KIRREL3: variants seen among roughly 807,000 people sequenced by gnomAD.
KIRREL3 encodes the protein kin of IRRE-like protein 3.
KIRREL3 carries 36 observed loss-of-function variants against 89.7 expected under a neutral mutation model. The ratio of observed to expected loss-of-function variants is 0.40; its 90% CI spans 0.31 to 0.53. The LOEUF is 0.53. KIRREL3 is among the 20% of genes least tolerant of loss of function. KIRREL3 has a pLI of 0.49. For missense variants in KIRREL3, 864 were observed against 1,056.6 expected (o/e 0.82, Z 2.53); for synonymous variants, 445 against 441.4 (o/e 1.01, Z -0.10).
In KIRREL3 at chr11:126,904,926, A is replaced by G. The variant is rs1475318602; in HGVS notation, c.55+95529T>C. Among the ~76,000 whole-genome samples, 1 of 147,094 alleles carries G rather than the reference A, an allele frequency of 6.8e-6. No individual in the cohort carries two copies. Among genetic ancestry groups the G allele is most frequent in the Non-Finnish European group, 1.5e-5 (1 of 66,408 alleles). On this transcript the variant is annotated intron_variant, in intron 1 of 16. Transcript: ENST00000525144. The surrounding 1 kb of genome is among the most constrained non-coding windows in gnomAD (Gnocchi z 4.4). Reference sequence around the variant, plus strand: ...CTAAGTATATAATAAATAACTGACTATCCATGATGGGGATGATGATGATGA... The same window carrying G: ...CTAAGTATATAATAAATAACTGACTGTCCATGATGGGGATGATGATGATGA...
rs1194792456 is a variant in KIRREL3 at position 126,537,503 on chromosome 11, G to GA, written c.134-10817dup. Among the ~76,000 whole-genome samples, 2 of 151,994 alleles carry GA rather than the reference G, an allele frequency of 1.3e-5. No individual in the cohort carries two copies. The highest frequency in any genetic ancestry group is 2.9e-5 in the Non-Finnish European group (2 of 67,946). On this transcript the variant is annotated intron_variant, in intron 2 of 16. Transcript: ENST00000525144. This position sits in a 1 kb window ranked among gnomAD's most constrained non-coding sequence, Gnocchi z 4.3. ...GAGGAGAAATGTCATTCTGGGGTAG[G>GA]AAAAAAAATATAAGCAAAAACATGA...
At chr11:126,667,197 C>T (rs1945703214) in intron 1 of KIRREL3, among the ~76,000 whole-genome samples, 1 of 152,198 alleles carries the variant, frequency 6.6e-6, no homozygotes, top group Non-Finnish European at 1.5e-5. Flanking sequence ...AGAGAATGTG[C>T]CACTAATGAA....
In KIRREL3 at chr11:126,526,503, C is replaced by T; in HGVS notation, c.283+35G>A. ...GATGGGTGAGTAAGGAAGTGATGGC[C>T]CCAGGCCCACCCCAGGAGGTCTGGA... On this transcript the variant is annotated intron_variant, in intron 3 of 16. Coordinates refer to ENST00000525144, the MANE Select transcript of KIRREL3 (RefSeq NM_032531.4). This position sits in a 1 kb window ranked among gnomAD's most constrained non-coding sequence, Gnocchi z 5.7. 2 of 1,593,114 alleles carry T rather than the reference C, an allele frequency of 1.3e-6. No homozygotes were observed. The highest frequency in any genetic ancestry group is 1.7e-6 in the Non-Finnish European group (2 of 1,165,048).
chr11:126,621,930 T>A (rs562761983), intron 1 of KIRREL3, among the ~76,000 whole-genome samples: 1 of 152,148 alleles, frequency 6.6e-6, no homozygotes, highest in Non-Finnish European at 1.5e-5. Context: ...CTAACATGGA[T>A]AAAAAAATGC....
intron 1 of KIRREL3, among the ~76,000 whole-genome samples, chr11:126,712,445 T>TG (rs1328981530): frequency 2.0e-5 from 3 of 152,224 alleles, no homozygotes; most frequent in Non-Finnish European, 2.9e-5. Context: ...CTCTTCAATC[T>TG]GGGGCACCCC....
intron 1 of KIRREL3, among the ~76,000 whole-genome samples, chr11:126,775,943 C>A (rs1950157269): frequency 6.6e-6 from 1 of 152,158 alleles, no homozygotes; most frequent in African/African-American, 2.4e-5. Context: ...ACCCCTATGG[C>A]TTGGGGGAGG....
intron 4 of KIRREL3, among the ~76,000 whole-genome samples, chr11:126,500,063 G>A (rs1005141018): frequency 6.6e-6 from 1 of 152,142 alleles, no homozygotes; most frequent in Non-Finnish European, 1.5e-5. Flanking sequence ...CCCACTGACT[G>A]CACTATGATT....
At chr11:126,957,780 C>T (rs998025647) in intron 1 of KIRREL3, among the ~76,000 whole-genome samples, 11 of 152,166 alleles carry the variant, frequency 7.2e-5, no homozygotes, top group Admixed American at 2.6e-4. Flanking sequence ...TAGGCATAGG[C>T]GGAGAACCAG....
At chr11:126,934,569 A>C (rs1386352040) in intron 1 of KIRREL3, among the ~76,000 whole-genome samples, 1 of 152,198 alleles carries the variant, frequency 6.6e-6, no homozygotes, top group Non-Finnish European at 1.5e-5. Context: ...CTTGCTGTAG[A>C]ACGTATAGGA....
chr11:126,584,593 T>G (rs1024469184), intron 1 of KIRREL3, among the ~76,000 whole-genome samples: 1 of 152,242 alleles, frequency 6.6e-6, no homozygotes, highest in Non-Finnish European at 1.5e-5. Flanking sequence ...CAATGTCCCA[T>G]GTGGGCTTAA....
intron 1 of KIRREL3, among the ~76,000 whole-genome samples, chr11:126,775,672 T>C (rs1484831595): frequency 2.6e-5 from 4 of 152,174 alleles, no homozygotes; most frequent in African/African-American, 7.2e-5. Context: ...AAGAAAAGAA[T>C]GCCTTTGATG....
At chr11:126,633,992 G>A (rs997856010) in intron 1 of KIRREL3, among the ~76,000 whole-genome samples, 3 of 152,186 alleles carry the variant, frequency 2.0e-5, no homozygotes, top group Non-Finnish European at 2.9e-5. Flanking sequence ...AAAGTACAGC[G>A]TAGTCCACAT....
intron 1 of KIRREL3, among the ~76,000 whole-genome samples, chr11:126,757,340 C>T (rs1415066331): frequency 6.6e-6 from 1 of 151,794 alleles, no homozygotes; most frequent in Non-Finnish European, 1.5e-5. Flanking sequence ...AAAAGCCAGC[C>T]CCAACAATTC....
At chr11:126,529,580 G>A (rs1371471161) in intron 2 of KIRREL3, among the ~76,000 whole-genome samples, 1 of 149,418 alleles carries the variant, frequency 6.7e-6, no homozygotes, top group Non-Finnish European at 1.5e-5. Context: ...TACAGACTAG[G>A]TGACAGAGTG....
At chr11:126,982,379 C>T (rs575196970) in intron 1 of KIRREL3, among the ~76,000 whole-genome samples, 2 of 152,304 alleles carry the variant, frequency 1.3e-5, no homozygotes, top group South Asian at 4.1e-4. Flanking sequence ...AGCCTCAAGT[C>T]TTCTATGGAG....
intron 2 of KIRREL3, among the ~76,000 whole-genome samples, chr11:126,545,611 A>G (rs1938750876): frequency 8.9e-6 from 1 of 112,296 alleles, no homozygotes; most frequent in South Asian, 2.6e-4. Context: ...TCAATTTTTA[A>G]AAATAAAATA....
chr11:126,755,898 G>GAC lies in KIRREL3; in HGVS notation c.56-192987_56-192986insGT, dbSNP rs200170780. Among the ~76,000 whole-genome samples the GAC allele has an allele frequency of 0.01, 1,537 of 151,940 alleles. 29 individuals carry two copies. The highest frequency in any genetic ancestry group is 0.035 in the African/African-American group (1,462 of 41,394). On this transcript the variant is annotated intron_variant, in intron 1 of 16. Coordinates refer to ENST00000525144, the MANE Select transcript of KIRREL3 (RefSeq NM_032531.4). The surrounding 1 kb of genome is among the most constrained non-coding windows in gnomAD (Gnocchi z 4.3). The stretch of plus-strand genomic sequence containing the variant: ...AAAAACAGAGAGAGAGAGAGAGAGA[G>GAC]AAGACTGAGCTGAGCACCCAGCACC...
rs1197744877 is a variant in KIRREL3, at chr11:126,983,638, C to T, written c.55+16817G>A. Among the ~76,000 whole-genome samples the T allele has an allele frequency of 6.6e-6, 1 of 152,136 alleles. No homozygotes were observed. Among genetic ancestry groups the T allele is most frequent in the Non-Finnish European group, 1.5e-5 (1 of 68,026 alleles). ...GGCCACGAGCCAAGGAGTGTAGGCACTCTGCCTCTAGAAGCCAGAAAAGGC... is the reference window on the plus strand; with the variant it reads ...GGCCACGAGCCAAGGAGTGTAGGCATTCTGCCTCTAGAAGCCAGAAAAGGC... On this transcript the variant is annotated intron_variant, in intron 1 of 16. Transcript: ENST00000525144. This position sits in a 1 kb window ranked among gnomAD's most constrained non-coding sequence, Gnocchi z 4.9.
At chr11:126,545,351 G>C (rs1442135318) in intron 2 of KIRREL3, among the ~76,000 whole-genome samples, 3 of 152,136 alleles carry the variant, frequency 2.0e-5, no homozygotes, top group Admixed American at 2.0e-4. Context: ...TATCTGGATC[G>C]GGGAGACATG....
Sources: gnomAD v4.1 joint callset for allele counts (sites outside exome capture counted in the v4.1 genomes callset) on GRCh38, gnomAD v4.1.1 for gene constraint, Gnocchi (gnomAD v3.1) non-coding constraint, MANE v1.5 for transcripts, NCBI Gene and HGNC (gene_info 2026-07-23, HGNC 2026-07-21) for gene names.